MRTFB: variants seen among roughly 807,000 people sequenced by gnomAD.
MRTFB encodes myocardin related transcription factor B, also known as myocardin-related transcription factor B.
In MRTFB, 29 loss-of-function variants were observed where a neutral mutation model predicts 104.2. That is an observed-to-expected ratio of 0.28 (90% confidence interval 0.21 to 0.38). The LOEUF (loss-of-function observed/expected upper bound fraction) is 0.38. Ranked by LOEUF, MRTFB falls within the 10% of genes least tolerant of loss-of-function variation. The pLI is 1.00. For missense variants in MRTFB, 1,270 were observed against 1,341.6 expected (o/e 0.95, Z 0.83); for synonymous variants, 535 against 519.5 (o/e 1.03, Z -0.41).
intron 2 of MRTFB, among the ~76,000 whole-genome samples, chr16:14,138,655 C>A (rs1026867041): frequency 1.3e-5 from 2 of 152,168 alleles, no homozygotes; most frequent in Non-Finnish European, 2.9e-5. Context: ...GTCTGCCCTG[C>A]ATGTGTATAG....
the MRTFB span, among the ~76,000 whole-genome samples, chr16:14,036,302 A>ATATT: frequency 7.8e-6 from 1 of 128,114 alleles, no homozygotes; most frequent in Admixed American, 9.1e-5. Context: ...ATATTTATAT[A>ATATT]TATATATATA....
At chr16:14,165,034 T>TG (rs1454744070) in intron 3 of MRTFB, among the ~76,000 whole-genome samples, 1 of 152,094 alleles carries the variant, frequency 6.6e-6, no homozygotes, top group African/African-American at 2.4e-5. Context: ...AGCACTTTTT[T>TG]CCAGGCCAAA....
In MRTFB at chr16:14,140,694, C is replaced by T. The variant is rs1264992309; in HGVS notation, c.88C>T (p.His30Tyr). The T allele has an allele frequency of 6.2e-7, 1 of 1,614,144 alleles. No individual in the cohort carries two copies. Among genetic ancestry groups the T allele is most frequent in the Admixed American group, 1.7e-5 (1 of 60,028 alleles). ...APSPQSEAVA[H>Y]EFQELSLQSS... ...AAGTCCTCAGAGTGAAGCTGTGGCT[C>T]ATGAATTCCAGGAACTCTCCTTGCA... is the stretch of plus-strand genomic sequence containing the variant. Residue 30 changes from histidine to tyrosine, a missense_variant, in exon 3 of 17, where the codon CAT becomes TAT. By Grantham distance (83) the His-to-Tyr change is moderately conservative. Transcript: ENST00000571589.
chr16:14,140,852 C>T (rs2037963109), intron 3 of MRTFB, 92 bp downstream of exon 3: 2 of 1,452,078 alleles, frequency 1.4e-6, no homozygotes, highest in Non-Finnish European at 1.9e-6. Context: ...ATATTTTGGT[C>T]AGTTCAGCAG....
intron 13 of MRTFB, among the ~76,000 whole-genome samples, chr16:14,251,636 C>G (rs562214604): frequency 6.6e-6 from 1 of 152,312 alleles, no homozygotes; most frequent in South Asian, 2.1e-4. Context: ...TTTATTGGCA[C>G]ACAGCCACAC....
the MRTFB span, among the ~76,000 whole-genome samples, chr16:14,014,547 C>G: frequency 1.3e-5 from 2 of 151,278 alleles, no homozygotes; most frequent in South Asian, 4.2e-4. Context: ...CATGGTGAGA[C>G]TCTTGTCTCA....
At chr16:14,205,983 T>A (rs182144345) in intron 3 of MRTFB, among the ~76,000 whole-genome samples, 22 of 152,284 alleles carry the variant, frequency 1.4e-4, no homozygotes, top group Middle Eastern at 3.4e-3. Flanking sequence ...GCTACAGATA[T>A]GAAATCTTGT....
the MRTFB span, among the ~76,000 whole-genome samples, chr16:14,030,237 C>T: frequency 6.6e-6 from 1 of 152,114 alleles, no homozygotes; most frequent in Admixed American, 6.5e-5. Flanking sequence ...CCAATGAGGA[C>T]ATTGATGCCC....
At chr16:14,103,859 C>G (rs1446713784) in intron 2 of MRTFB, among the ~76,000 whole-genome samples, 2 of 152,208 alleles carry the variant, frequency 1.3e-5, no homozygotes, top group Admixed American at 6.5e-5. Context: ...CTCTGTTTCT[C>G]TATCTTTACT....
chr16:14,006,524 A>AG, the MRTFB span, among the ~76,000 whole-genome samples: 1 of 151,800 alleles, frequency 6.6e-6, no homozygotes, highest in Admixed American at 6.6e-5. Flanking sequence ...AAAAAAAAAA[A>AG]AGAAACGTTA....
intron 8 of MRTFB, among the ~76,000 whole-genome samples, chr16:14,229,777 T>G (rs577968456): frequency 6.6e-6 from 1 of 152,220 alleles, no homozygotes; most frequent in South Asian, 2.1e-4. Flanking sequence ...TAAATATCCA[T>G]TAAAAACCAT....
At chr16:14,001,636 C>G in the MRTFB span, among the ~76,000 whole-genome samples, 1 of 152,188 alleles carries the variant, frequency 6.6e-6, no homozygotes, top group Non-Finnish European at 1.5e-5. Context: ...GCCTCGTGTC[C>G]CACGGTGAAC....
the MRTFB span, among the ~76,000 whole-genome samples, chr16:14,037,843 G>T: frequency 6.6e-6 from 1 of 152,182 alleles, no homozygotes; most frequent in South Asian, 2.1e-4. Context: ...TCTACCTGTG[G>T]GGCTTGCTCT....
rs956639183 is a variant in MRTFB, at chr16:14,251,961, G to A, written c.2503G>A (p.Val835Ile). Residue 835 changes from valine to isoleucine, a missense_variant, in exon 14 of 17, where the codon GTT becomes ATT. Around this residue, in one of 3 missense-constraint regions of MRTFB, gnomAD observed 1,144 missense variants for 1,131.5 expected, o/e 1.01. Transcript: ENST00000571589. Reference protein sequence around the residue: ...QPFINKASNSVLQSRNAPLPS... With the variant: ...QPFINKASNSILQSRNAPLPS... The stretch of plus-strand genomic sequence containing the variant: ...CTTTATCAATAAGGCCTCCAACAGT[G>A]TTCTTCAATCCAGAAATGCTCCGCT... 2.5e-6 allele frequency: 4 copies of A among 1,614,070 alleles called. No homozygotes were observed. The highest frequency in any genetic ancestry group is 2.7e-5 in the African/African-American group (2 of 74,926).
At chr16:14,082,081 G>C (rs765653770) in intron 2 of MRTFB, among the ~76,000 whole-genome samples, 15 of 152,198 alleles carry the variant, frequency 9.9e-5, no homozygotes, top group Non-Finnish European at 2.1e-4. Context: ...TTTATTGCCT[G>C]TGTTTTGGGG....
At chr16:14,131,392 T>C (rs1001702808) in intron 2 of MRTFB, among the ~76,000 whole-genome samples, 1 of 152,208 alleles carries the variant, frequency 6.6e-6, no homozygotes, top group Non-Finnish European at 1.5e-5. Flanking sequence ...GATGTGCATT[T>C]GGTGATGGTT....
chr16:14,186,127 C>T (rs1009856760), intron 3 of MRTFB, among the ~76,000 whole-genome samples: 8 of 152,194 alleles, frequency 5.3e-5, no homozygotes, highest in Admixed American at 5.2e-4. Context: ...AAAACTGCTG[C>T]TTGGGTCTGA....
At chr16:14,083,336 A>G (rs910374805) in intron 2 of MRTFB, among the ~76,000 whole-genome samples, 4 of 152,102 alleles carry the variant, frequency 2.6e-5, no homozygotes, top group Non-Finnish European at 4.4e-5. Context: ...TCCTAATTGG[A>G]TGCCTGACTC....
the MRTFB span, among the ~76,000 whole-genome samples, chr16:14,019,981 G>A: frequency 1.1e-4 from 17 of 152,348 alleles, no homozygotes; most frequent in African/African-American, 2.9e-4. Context: ...CATTGATCAC[G>A]TGAGACGCTT....
Sources: gnomAD v4.1 joint callset for allele counts (sites outside exome capture counted in the v4.1 genomes callset) on GRCh38, gnomAD v4.1.1 for gene constraint, gnomAD v4.1.1 regional missense constraint, MANE v1.5 for transcripts, NCBI Gene and HGNC (gene_info 2026-07-23, HGNC 2026-07-21) for gene names.